Variants in ZNF136 observed in about 807,000 individuals in gnomAD.
ZNF136 encodes zinc finger protein 136, also known as zinc finger protein 136 (clone pHZ-20).
ZNF136 carries 8 observed loss-of-function variants against 11.4 expected under a neutral mutation model. That is an observed-to-expected ratio of 0.70 (90% CI 0.41 to 1.27). The LOEUF is 1.27. ZNF136 is among the 50% of genes most tolerant of loss of function. The probability of loss-of-function intolerance (pLI) is 0.01; values close to 1 mark genes in which losing one functional copy is unlikely to be tolerated. For missense variants in ZNF136, 590 were observed against 656.5 expected (o/e 0.90, Z 1.11); for synonymous variants, 190 against 207.1 (o/e 0.92, Z 0.71).
chr19:12,180,361 A>T (rs1225286575), intron 1 of ZNF136, among the ~76,000 whole-genome samples: 1 of 152,222 alleles, frequency 6.6e-6, no homozygotes, highest in Admixed American at 6.5e-5. Flanking sequence ...GACTCAGAAC[A>T]TCCAGAATTA....
chr19:12,178,761 T>C (rs1368149349), intron 1 of ZNF136, among the ~76,000 whole-genome samples: 3 of 151,470 alleles, frequency 2.0e-5, no homozygotes, highest in Admixed American at 2.0e-4. Flanking sequence ...GAGGCTGAGG[T>C]GGGTGGATCA....
intron 1 of ZNF136, among the ~76,000 whole-genome samples, chr19:12,173,853 G>A (rs1599454634): frequency 1.3e-5 from 2 of 152,012 alleles, no homozygotes; most frequent in Non-Finnish European, 2.9e-5. Flanking sequence ...CTTCATAATC[G>A]AATCGGTTTG....
rs1451528510 is a variant in ZNF136 at position 12,189,134 on chromosome 19, A to G, written c.*1133A>G. On this transcript the variant is annotated 3_prime_UTR_variant, in exon 4 of 4. Transcript: ENST00000343979. ...ATTTTGAAATGTGTTTAATCCAACA[A>G]TGAATTTAAATGTGTTTCTCATATT... The G allele has an allele frequency of 6.6e-6, 1 of 152,202 alleles. No individual in the cohort carries two copies. The allele number at this position is 152,202 out of a possible 1,614,324, so 9.4% of individuals were successfully genotyped here. A position where few individuals can be genotyped will look rare whatever the true frequency, so the allele number is the denominator to read the frequency against.
At position 12,187,486 on chromosome 19, in the gene ZNF136, G is replaced by A. The variant is rs777751110; in HGVS notation, c.1108G>A (p.Gly370Arg). Residue 370 changes from glycine (G) to arginine (R), a missense_variant, in exon 4 of 4, where the codon GGG becomes AGG. Physicochemically the swap from Gly to Arg is moderately radical, Grantham distance 125. Transcript: ENST00000343979. Reference sequence around the variant, plus strand: ...AAAACCTTATGAATGTAAGGAATGTGGGGAAGCATTCAGTTGTATCCCAAG... The same window carrying A: ...AAAACCTTATGAATGTAAGGAATGTAGGGAAGCATTCAGTTGTATCCCAAG... The part of the protein sequence containing the change: ...GEKPYECKEC[G>R]EAFSCIPSMR... The A allele has an allele frequency of 2.5e-6, 4 of 1,613,840 alleles. No individual in the cohort carries two copies. Among genetic ancestry groups the A allele is most frequent in the Admixed American group, 3.3e-5 (2 of 59,994 alleles).
At chr19:12,186,292 ATTTTCCCCAAATAC>A (rs1915081426) in intron 3 of ZNF136, 118 bp downstream of exon 3, 1 of 1,124,036 alleles carries the variant, frequency 8.9e-7, no homozygotes, top group Admixed American at 3.0e-5. Flanking sequence ...TTTTTTGAAT[ATTTTCCCCAAATAC>A]ATATTCTTCA....
intron 1 of ZNF136, among the ~76,000 whole-genome samples, chr19:12,166,965 A>G (rs1040961277): frequency 2.8e-4 from 42 of 152,228 alleles, no homozygotes; most frequent in African/African-American, 1.0e-3. Flanking sequence ...CAAATATAAG[A>G]TCTGCAAAGA....
Position 12,189,117 on chromosome 19 carries a change from A to G in ZNF136, c.*1116A>G, listed in dbSNP as rs1033387108. On this transcript the variant is annotated 3_prime_UTR_variant, in exon 4 of 4. Coordinates refer to ENST00000343979, the MANE Select transcript of ZNF136 (RefSeq NM_003437.5). The stretch of plus-strand genomic sequence containing the variant: ...AAAATATTTGTCTTTCCATTTTGAA[A>G]TGTGTTTAATCCAACAATGAATTTA... 1 of 152,176 alleles carries G rather than the reference A, an allele frequency of 6.6e-6. No individual in the cohort carries two copies. The highest frequency in any genetic ancestry group is 2.4e-5 in the African/African-American group (1 of 41,442). 9.4% of individuals were successfully genotyped at this position (152,176 alleles called of 1,614,324 possible).
At chr19:12,168,097 A>G (rs1308015442) in intron 1 of ZNF136, among the ~76,000 whole-genome samples, 2 of 89,970 alleles carry the variant, frequency 2.2e-5, no homozygotes, top group Non-Finnish European at 4.0e-5. Flanking sequence ...TGTGAGACGG[A>G]GCTTCGCTCT....
At chr19:12,182,013 C>G (rs1914955679) in intron 1 of ZNF136, among the ~76,000 whole-genome samples, 1 of 151,998 alleles carries the variant, frequency 6.6e-6, no homozygotes, top group African/African-American at 2.4e-5. Flanking sequence ...CTCAAGTGAT[C>G]TACCCACCTT....
intron 1 of ZNF136, among the ~76,000 whole-genome samples, chr19:12,172,810 G>A (rs111983538): frequency 2.4e-4 from 36 of 152,170 alleles, no homozygotes; most frequent in Non-Finnish European, 4.0e-4. Context: ...TCAGGAGATC[G>A]AGACCATCCT....
chr19:12,163,273 G>A, intron 1 of ZNF136, 67 bp downstream of exon 1: 1 of 1,344,308 alleles, frequency 7.4e-7, no homozygotes, highest in East Asian at 2.8e-5. Flanking sequence ...GGAACTGGCT[G>A]TGGCGCGGCC....
chr19:12,185,837 C>A lies in ZNF136; in HGVS notation c.56C>A (p.Ala19Asp). 6.2e-7 allele frequency: 1 copy of A among 1,613,940 alleles called. No individual in the cohort carries two copies. The highest frequency in any genetic ancestry group is 1.1e-5 in the South Asian group (1 of 91,080). The change falls in exon 2 of 4, where the codon GCT (alanine) becomes GAT (aspartate). Residue 19 changes from alanine to aspartate, a missense_variant. Coordinates refer to ENST00000343979, the MANE Select transcript of ZNF136 (RefSeq NM_003437.5). ...GTGAACTTCACCCAGGAGGAGTGGG[C>A]TTTGCTAGATCCTTCCCAGAAGAAT... is the stretch of plus-strand genomic sequence containing the variant. Reference protein sequence around the residue: ...VDVNFTQEEWALLDPSQKNLY... With the variant: ...VDVNFTQEEWDLLDPSQKNLY...
chr19:12,175,273 C>T (rs1221136444), intron 1 of ZNF136, among the ~76,000 whole-genome samples: 1 of 151,838 alleles, frequency 6.6e-6, no homozygotes, highest in Non-Finnish European at 1.5e-5. Flanking sequence ...TGGCTCACCG[C>T]AACCTCCACC....
rs984843037 is a variant in ZNF136, at chr19:12,188,068, G to A, written c.*67G>A. ...GAGAAGCCCTATGAATGTAAGTAAC[G>A]TGGGAAAGCATGAAATTCTGTCAGT... On this transcript the variant is annotated 3_prime_UTR_variant, in exon 4 of 4. Transcript: ENST00000343979. 62 of 1,352,658 alleles carry A rather than the reference G, an allele frequency of 4.6e-5. No homozygotes were observed. Among genetic ancestry groups the A allele is most frequent in the Non-Finnish European group, 5.5e-5 (56 of 1,024,740 alleles). 83.8% of individuals were successfully genotyped at this position (1,352,658 alleles called of 1,614,324 possible). A position where few individuals can be genotyped will look rare whatever the true frequency, so the allele number is the denominator to read the frequency against.
chr19:12,165,549 A>G (rs1360205333), intron 1 of ZNF136, among the ~76,000 whole-genome samples: 1 of 152,164 alleles, frequency 6.6e-6, no homozygotes, highest in Non-Finnish European at 1.5e-5. Context: ...ATTTCTCCAT[A>G]TTTTGGAGTA....
In ZNF136 at chr19:12,165,473, G is replaced by T. The variant is rs140920141; in HGVS notation, c.3+2267G>T. Among the ~76,000 whole-genome samples the T allele has an allele frequency of 2.0e-5, 3 of 152,332 alleles. No individual in the cohort carries two copies. The East Asian group carries it at 5.8e-4, about 29-fold the overall frequency. On this transcript the variant is annotated intron_variant, in intron 1 of 3. Coordinates refer to ENST00000343979, the MANE Select transcript of ZNF136 (RefSeq NM_003437.5). ...TGTATTTCCCAAGAGGTAGATTTCA[G>T]GGGGAAAGAGATTAGTCTTATATTC...
chr19:12,167,999 T>A (rs1046083618), intron 1 of ZNF136, among the ~76,000 whole-genome samples: 1 of 151,386 alleles, frequency 6.6e-6, no homozygotes, highest in Non-Finnish European at 1.5e-5. Flanking sequence ...ACGGCCTTTT[T>A]TTAAAAAATA....
intron 1 of ZNF136, among the ~76,000 whole-genome samples, chr19:12,167,732 C>G (rs1263449039): frequency 6.6e-6 from 1 of 152,178 alleles, no homozygotes; most frequent in Non-Finnish European, 1.5e-5. Flanking sequence ...CACACCCCGT[C>G]TCTACCTAAA....
chr19:12,177,051 T>C (rs1372687645), intron 1 of ZNF136, among the ~76,000 whole-genome samples: 1 of 152,220 alleles, frequency 6.6e-6, no homozygotes, highest in African/African-American at 2.4e-5. Context: ...GCATGTTAAA[T>C]AGCTGTGTCA....
Sources: gnomAD v4.1 joint callset for allele counts (sites outside exome capture counted in the v4.1 genomes callset) on GRCh38, gnomAD v4.1.1 for gene constraint, MANE v1.5 for transcripts, NCBI Gene and HGNC (gene_info 2026-07-23, HGNC 2026-07-21) for gene names.